The following SKAP2 variants were observed in gnomAD, a reference collection of about 807,000 sequenced individuals.
The protein encoded by SKAP2 is src kinase-associated phosphoprotein 2.
SKAP2 carries 28 observed loss-of-function variants against 54.9 expected under a neutral mutation model. That is an observed-to-expected ratio of 0.51 (90% CI 0.38 to 0.70). The LOEUF (loss-of-function observed/expected upper bound fraction) is 0.70. Among genes scored for constraint, SKAP2 ranks in the 30% least tolerant of loss-of-function variants. SKAP2 has a pLI of 0.00. For synonymous variants in SKAP2, 137 were observed against 134.3 expected, an observed-to-expected ratio of 1.02 and a Z score of -0.14; for missense variants, 356 against 424.1, an observed-to-expected ratio of 0.84 and a Z score of 1.41.
intron 4 of SKAP2, among the ~76,000 whole-genome samples, chr7:26,837,613 C>T (rs1222697576): frequency 6.6e-6 from 1 of 152,142 alleles, no homozygotes; most frequent in African/African-American, 2.4e-5. Context: ...CCAAACACCC[C>T]CCAACAGGCC....
intron 11 of SKAP2, among the ~76,000 whole-genome samples, chr7:26,677,444 T>C (rs1267032412): frequency 2.6e-5 from 4 of 151,556 alleles, no homozygotes; most frequent in African/African-American, 7.3e-5. Context: ...TGATGTCTAT[T>C]GGCTCTATGC....
At chr7:26,719,159 A>G (rs1057201639) in intron 9 of SKAP2, among the ~76,000 whole-genome samples, 1 of 152,182 alleles carries the variant, frequency 6.6e-6, no homozygotes, top group Non-Finnish European at 1.5e-5. Context: ...TGGGCAACAG[A>G]GCAAGACCCT....
rs889612831 is a variant in SKAP2 at position 26,764,392 on chromosome 7, G to T, written c.308-24428C>A. On this transcript the variant is annotated intron_variant, in intron 4 of 12. Transcript: ENST00000345317. ...CTGTTGAACCGTAAACTTCGTGTGC[G>T]TTCCTAGACGATTCAATCTTTCTAG... Among the ~76,000 whole-genome samples the T allele has an allele frequency of 2.0e-5, 3 of 152,050 alleles. No homozygotes were observed. In the East Asian group the frequency reaches 5.8e-4, roughly 29 times the overall value.
intron 4 of SKAP2, 131 bp downstream of exon 4, chr7:26,843,899 C>T: frequency 3.4e-6 from 2 of 591,664 alleles, no homozygotes; most frequent in Non-Finnish European, 6.0e-6. Flanking sequence ...CTCTTCTGTT[C>T]CTTAAAAGGT....
intron 4 of SKAP2, among the ~76,000 whole-genome samples, chr7:26,777,225 C>G (rs1783330390): frequency 6.6e-6 from 1 of 152,072 alleles, no homozygotes; most frequent in East Asian, 1.9e-4. Flanking sequence ...GGATGACACT[C>G]AAATACCCTC....
At chr7:26,836,163 C>A (rs192681820) in intron 4 of SKAP2, among the ~76,000 whole-genome samples, 1 of 152,190 alleles carries the variant, frequency 6.6e-6, no homozygotes, top group Admixed American at 6.5e-5. Flanking sequence ...AAACTGGACC[C>A]CTTCCTTACA....
At chr7:26,743,173 A>G (rs1291085821) in intron 4 of SKAP2, among the ~76,000 whole-genome samples, 1 of 152,176 alleles carries the variant, frequency 6.6e-6, no homozygotes, top group Non-Finnish European at 1.5e-5. Context: ...TCACATTCTC[A>G]GCTTCACTAT....
At position 26,739,935 on chromosome 7, in the gene SKAP2, C is replaced by T; in HGVS notation, c.337G>A (p.Asp113Asn). Reference protein sequence around the residue: ...GAQFPPIAAQDLPFVLKAGYL... With the variant: ...GAQFPPIAAQNLPFVLKAGYL... ...CCAGCCTTTAGAACAAAAGGAAGGT[C>T]TTGTGCTGCAATTGGAGGAAACTGG... Residue 113 changes from aspartate (D) to asparagine (N), a missense_variant, in exon 5 of 13, where the codon GAC becomes AAC. By Grantham distance (23) the Asp-to-Asn change is conservative (BLOSUM62 1). Coordinates refer to ENST00000345317, the MANE Select transcript of SKAP2 (RefSeq NM_003930.5). 6.2e-7 allele frequency: 1 copy of T among 1,611,258 alleles called. No homozygotes were observed. Among genetic ancestry groups the T allele is most frequent in the Non-Finnish European group, 8.5e-7 (1 of 1,179,022 alleles).
In SKAP2 at chr7:26,814,173, CTG is replaced by C. The variant is rs562227772; in HGVS notation, c.307+29855_307+29856del. Reference sequence around the variant, plus strand: ...CACAATTAATCTCTAATGTAGGAAACTGTGAGAACATGAATCATATGTATGCC... The same window carrying C: ...CACAATTAATCTCTAATGTAGGAAACTGAGAACATGAATCATATGTATGCC... On this transcript the variant is annotated intron_variant, in intron 4 of 12. Transcript: ENST00000345317. Among the ~76,000 whole-genome samples, 5 of 152,242 alleles carry C rather than the reference CTG, an allele frequency of 3.3e-5. No homozygotes were observed. The South Asian group carries it at 1.0e-3, about 32-fold the overall frequency.
chr7:26,687,372 G>A (rs536440386), intron 10 of SKAP2, among the ~76,000 whole-genome samples: 27 of 151,948 alleles, frequency 1.8e-4, no homozygotes, highest in South Asian at 1.2e-3. Flanking sequence ...CTATAATCTT[G>A]ATGATGATGT....
At chr7:26,723,109 C>G (rs1395591963) in intron 9 of SKAP2, among the ~76,000 whole-genome samples, 1 of 152,192 alleles carries the variant, frequency 6.6e-6, no homozygotes, top group African/African-American at 2.4e-5. Flanking sequence ...TCAAATTTCA[C>G]AGAAGTGAAA....
chr7:26,860,342 C>T (rs1190897693), intron 1 of SKAP2, among the ~76,000 whole-genome samples: 2 of 152,140 alleles, frequency 1.3e-5, no homozygotes, highest in African/African-American at 2.4e-5. Context: ...TTAGCCCATA[C>T]AAAAAACTCT....
rs1268515098 is a variant in SKAP2 at position 26,669,154 on chromosome 7, T to C, written c.*512A>G. ...AATAAATAATAACAATAAAGTTATCTATAAAGTTTGAACATTCTTTAGCAT... is the reference window on the plus strand; with the variant it reads ...AATAAATAATAACAATAAAGTTATCCATAAAGTTTGAACATTCTTTAGCAT... On this transcript the variant is annotated 3_prime_UTR_variant, in exon 13 of 13. Transcript: ENST00000345317. 6.6e-6 allele frequency: 1 copy of C among 152,186 alleles called. No individual in the cohort carries two copies. The highest frequency in any genetic ancestry group is 1.5e-5 in the Non-Finnish European group (1 of 68,024). 9.4% of individuals were successfully genotyped at this position (152,186 alleles called of 1,614,324 possible). A position where few individuals can be genotyped will look rare whatever the true frequency, so the allele number is the denominator to read the frequency against.
downstream of SKAP2, among the ~76,000 whole-genome samples, chr7:26,665,278 C>G (rs1490069754): frequency 3.9e-5 from 6 of 152,152 alleles, no homozygotes; most frequent in Non-Finnish European, 7.3e-5. Context: ...TATTTGAGGT[C>G]ACAACACTGA....
At chr7:26,684,379 A>G (rs1786582403) in intron 11 of SKAP2, among the ~76,000 whole-genome samples, 1 of 152,206 alleles carries the variant, frequency 6.6e-6, no homozygotes, top group Admixed American at 6.5e-5. Context: ...AATCAGAATA[A>G]GCACACAGAA....
intron 4 of SKAP2, among the ~76,000 whole-genome samples, chr7:26,804,108 A>G (rs1584399477): frequency 6.6e-6 from 1 of 152,208 alleles, no homozygotes; most frequent in Non-Finnish European, 1.5e-5. Flanking sequence ...AAATAACTTA[A>G]AGAATGTAAT....
chr7:26,801,761 C>T (rs2127984869), intron 4 of SKAP2, among the ~76,000 whole-genome samples: 1 of 152,002 alleles, frequency 6.6e-6, no homozygotes. Flanking sequence ...TTTACAATAG[C>T]CACACATAAA....
At chr7:26,786,409 A>C (rs1380509831) in intron 4 of SKAP2, among the ~76,000 whole-genome samples, 1 of 152,214 alleles carries the variant, frequency 6.6e-6, no homozygotes, top group Non-Finnish European at 1.5e-5. Context: ...AATGTAAAAC[A>C]GGCTAATGGG....
chr7:26,716,168 T>C (rs542697126), intron 9 of SKAP2, among the ~76,000 whole-genome samples: 1 of 152,342 alleles, frequency 6.6e-6, no homozygotes, highest in East Asian at 1.9e-4. Context: ...AATTTTGTGG[T>C]TAAATCTTTA....
Sources: gnomAD v4.1 joint callset for allele counts (sites outside exome capture counted in the v4.1 genomes callset) on GRCh38, gnomAD v4.1.1 for gene constraint, MANE v1.5 for transcripts, NCBI Gene and HGNC (gene_info 2026-07-23, HGNC 2026-07-21) for gene names.